CAPNS1: variants seen among roughly 807,000 people sequenced by gnomAD.
CAPNS1 encodes CANP small subunit.
Under a neutral mutation model 39.2 loss-of-function variants are expected in CAPNS1, and 32 were observed. The observed-to-expected ratio is 0.82, with a 90% CI of 0.62 to 1.10. The LOEUF (loss-of-function observed/expected upper bound fraction) is 1.10. Ranked by LOEUF, CAPNS1 falls within the 50% of genes least tolerant of loss-of-function variation. The probability of loss-of-function intolerance (pLI) is 0.00; values close to 1 mark genes in which losing one functional copy is unlikely to be tolerated. For synonymous variants in CAPNS1, 153 were observed against 136.2 expected (o/e 1.12, Z -0.86); for missense variants, 353 against 373.1 (o/e 0.95, Z 0.44).
Position 36,150,008 on chromosome 19 carries a change from A to C in CAPNS1, c.*169A>C. 1 of 572,106 alleles carries C rather than the reference A, an allele frequency of 1.7e-6. No individual in the cohort carries two copies. Among genetic ancestry groups the C allele is most frequent in the Non-Finnish European group, 2.7e-6 (1 of 369,616 alleles). The allele number at this position is 572,106 out of a possible 1,614,324, so 35.4% of individuals were successfully genotyped here. On this transcript the variant is annotated 3_prime_UTR_variant, in exon 11 of 11. Coordinates refer to ENST00000246533, the MANE Select transcript of CAPNS1 (RefSeq NM_001749.4). ...CCCAGCTTCTCAACATCCAGGGCCCAATTTGCCCTGCCTGGAGTTCCCCCT... is the reference window on the plus strand; with the variant it reads ...CCCAGCTTCTCAACATCCAGGGCCCCATTTGCCCTGCCTGGAGTTCCCCCT...
chr19:36,149,145 A>G (rs549818310), intron 9 of CAPNS1, among the ~76,000 whole-genome samples: 81 of 152,294 alleles, frequency 5.3e-4, no homozygotes, highest in Admixed American at 4.9e-3. Context: ...TTGGATTCCA[A>G]TCCTGATTTC....
rs777676548 is a variant in CAPNS1 at position 36,145,977 on chromosome 19, C to G, written c.527C>G (p.Ala176Gly). ...YLWNNIKRWQ[A>G]IYKQFDTDRS... is the part of the protein sequence containing the mutation. ...GACCCAATGTCTCTGTCCTCACAGG[C>G]CATATACAAACAGTTCGACACTGAC... Residue 176 changes from alanine (A) to glycine (G), a missense_variant and splice_region_variant, in exon 8 of 11, where the codon GCC (alanine) becomes GGC (glycine). Transcript: ENST00000246533. The G allele has an allele frequency of 6.2e-7, 1 of 1,614,138 alleles. No homozygotes were observed. Among genetic ancestry groups the G allele is most frequent in the African/African-American group, 1.3e-5 (1 of 75,064 alleles).
At chr19:36,140,886 C>T (rs1974332031) in intron 1 of CAPNS1, 111 bp from the exon 2 acceptor site, 1 of 1,532,268 alleles carries the variant, frequency 6.5e-7, no homozygotes, top group Non-Finnish European at 8.8e-7. Context: ...ACTCAGACCC[C>T]CACCCGGAGG....
chr19:36,144,600 T>C (rs1382406653), intron 6 of CAPNS1, among the ~76,000 whole-genome samples: 1 of 152,232 alleles, frequency 6.6e-6, no homozygotes, highest in Non-Finnish European at 1.5e-5. Context: ...ACCTGGCAAG[T>C]CTCAAACTCC....
At chr19:36,142,381 C>G (rs1285615941) in intron 3 of CAPNS1, 48 bp downstream of exon 3, 2 of 1,005,040 alleles carry the variant, frequency 2.0e-6, no homozygotes, top group Non-Finnish European at 3.0e-6. Flanking sequence ...AAGGCCTCTT[C>G]GAGGTCCCAT....
Position 36,149,927 on chromosome 19 carries a change from T to G in CAPNS1, c.*88T>G, listed in dbSNP as rs778828236. ...CTCCCAGGGCCGATCCTGTCTGCAGTCACATCTTTGTGGGGCCTGCTGACC... is the reference window on the plus strand; with the variant it reads ...CTCCCAGGGCCGATCCTGTCTGCAGGCACATCTTTGTGGGGCCTGCTGACC... On this transcript the variant is annotated 3_prime_UTR_variant, in exon 11 of 11. Transcript: ENST00000246533. 9 of 1,245,434 alleles carry G rather than the reference T, an allele frequency of 7.2e-6. No homozygotes were observed. The highest frequency in any genetic ancestry group is 9.5e-6 in the Non-Finnish European group (9 of 946,208). The allele number at this position is 1,245,434 out of a possible 1,614,324, so 77.1% of individuals were successfully genotyped here. A position where few individuals can be genotyped will look rare whatever the true frequency, so the allele number is the denominator to read the frequency against.
chr19:36,140,882 AC>A (rs1266703694), intron 1 of CAPNS1, 114 bp from the exon 2 acceptor site: 5 of 1,513,558 alleles, frequency 3.3e-6, no homozygotes, highest in East Asian at 2.6e-5. Flanking sequence ...GCAAACTCAG[AC>A]CCCCACCCGG....
At chr19:36,142,368 G>A (rs778696868) in intron 3 of CAPNS1, 35 bp downstream of exon 3, 5 of 1,266,036 alleles carry the variant, frequency 3.9e-6, no homozygotes, top group Non-Finnish European at 3.3e-6. Context: ...CCCTTCTCCT[G>A]CCAAGGCCTC....
At position 36,142,312 on chromosome 19, in the gene CAPNS1, G is replaced by A. The variant is rs771481303; in HGVS notation, c.222G>A (p.Ala74=). The change falls in exon 3 of 11, where the codon GCG becomes GCA. Residue 74 remains alanine (A), a synonymous_variant. Transcript: ENST00000246533. ...TATCTCTTCGCAGCGAGGCGGCTGC[G>A]CAGTACAACCCGGAGCCCCCGGTAA... ...GVISAISEAA[A]QYNPEPPPPR... The A allele has an allele frequency of 1.9e-6, 3 of 1,591,384 alleles. No homozygotes were observed. The highest frequency in any genetic ancestry group is 2.7e-5 in the African/African-American group (2 of 73,524).
chr19:36,145,227 C>CA (rs1224337273), intron 6 of CAPNS1: 2 of 90,964 alleles, frequency 2.2e-5, no homozygotes. Context: ...TTTTTTGAGA[C>CA]AGAGTCTCAC....
intron 2 of CAPNS1, 30 bp downstream of exon 2, chr19:36,141,250 C>T (rs1367476499): frequency 1.3e-6 from 2 of 1,504,274 alleles, no homozygotes; most frequent in South Asian, 1.3e-5. Context: ...AGGGGCGGGG[C>T]CTGGGAATGG....
At chr19:36,147,326 A>AGAGAAGGTAGGAGCAGTGAGCAT (rs1240017285) in intron 9 of CAPNS1, among the ~76,000 whole-genome samples, 4 of 152,210 alleles carry the variant, frequency 2.6e-5, no homozygotes, top group Admixed American at 1.3e-4. Flanking sequence ...GAGCTAAGTA[A>AGAGAAGGTAGGAGCAGTGAGCAT]GAGAAGGTAG....
rs549840423 is a variant in CAPNS1, at chr19:36,142,699, G to C, written c.291G>C (p.Glu97Asp). The C allele has an allele frequency of 1.2e-6, 2 of 1,614,038 alleles. No individual in the cohort carries two copies. The highest frequency in any genetic ancestry group is 2.2e-5 in the East Asian group (1 of 44,884). The stretch of plus-strand genomic sequence containing the variant: ...ACATTGAGGCCAACGAGAGTGAGGA[G>C]GTCCGGCAGTTCCGGAGACTCTTTG... ...YSNIEANESE[E>D]VRQFRRLFAQ... Residue 97 changes from glutamate (E) to aspartate (D), a missense_variant, in exon 4 of 11, where the codon GAG becomes GAC. Transcript: ENST00000246533.
In CAPNS1 at chr19:36,140,983, T is replaced by A; in HGVS notation, c.-15-14T>A. The A allele has an allele frequency of 6.3e-7, 1 of 1,594,648 alleles. No homozygotes were observed. Reference sequence around the variant, plus strand: ...AGGGGCGAAGCACCCACTGGTCCCCTTTTTTCCCCCCAGCAGTGAGTCGCA... The same window carrying A: ...AGGGGCGAAGCACCCACTGGTCCCCATTTTTCCCCCCAGCAGTGAGTCGCA... On this transcript the variant is annotated splice_polypyrimidine_tract_variant and intron_variant, in intron 1 of 10. Coordinates refer to ENST00000246533, the MANE Select transcript of CAPNS1 (RefSeq NM_001749.4).
chr19:36,140,883 C>G, intron 1 of CAPNS1, 114 bp from the exon 2 acceptor site: 1 of 1,519,408 alleles, frequency 6.6e-7, no homozygotes, highest in Non-Finnish European at 8.9e-7. Context: ...CAAACTCAGA[C>G]CCCCACCCGG....
chr19:36,146,225 A>T lies in CAPNS1; in HGVS notation c.634A>T (p.Met212Leu). The T allele has an allele frequency of 6.2e-7, 1 of 1,613,736 alleles. No homozygotes were observed. Among genetic ancestry groups the T allele is most frequent in the Non-Finnish European group, 8.5e-7 (1 of 1,179,664 alleles). Reference protein sequence around the residue: ...GFHLNEHLYNMIIRRYSDESG... With the variant: ...GFHLNEHLYNLIIRRYSDESG... ...CCACCTGAATGAGCATCTCTATAAC[A>T]TGATCATCCGACGCTACTCAGATGA... is the stretch of plus-strand genomic sequence containing the variant. Residue 212 changes from methionine (M) to leucine (L), a missense_variant, in exon 9 of 11, where the codon ATG becomes TTG. Transcript: ENST00000246533.
chr19:36,148,811 T>TC (rs1484789037), intron 9 of CAPNS1, among the ~76,000 whole-genome samples: 1 of 149,302 alleles, frequency 6.7e-6, no homozygotes, highest in Non-Finnish European at 1.5e-5. Flanking sequence ...GGACTCTGTC[T>TC]CAAAAAAAAA....
Position 36,143,147 on chromosome 19 carries a change from TGG to T in CAPNS1, c.456+21_456+22del. On this transcript the variant is annotated intron_variant, in intron 6 of 10. Coordinates refer to ENST00000246533, the MANE Select transcript of CAPNS1 (RefSeq NM_001749.4). ...GATGGATGTATCCTTGGGGGCAGTG[TGG>T]GAGAGGCCCTGGGTGGACAGAGAGT... 1 of 1,611,864 alleles carries T rather than the reference TGG, an allele frequency of 6.2e-7. No individual in the cohort carries two copies. The highest frequency in any genetic ancestry group is 8.5e-7 in the Non-Finnish European group (1 of 1,178,350).
At position 36,148,079 on chromosome 19, in the gene CAPNS1, C is replaced by CA. The variant is rs964061611; in HGVS notation, c.722-1486dup. 7.0e-3 allele frequency: 564 copies of CA among 80,736 alleles called. 3 individuals are homozygous for CA. Among genetic ancestry groups the CA allele is most frequent in the Admixed American group, 0.017 (125 of 7,204 alleles). 5.0% of individuals were successfully genotyped at this position (80,736 alleles called of 1,614,324 possible). Reference sequence around the variant, plus strand: ...GGGTGACAAGAGCGAGATTCCATCTCAAAAAAAAAAAAAGAAAAAAAGATC... The same window carrying CA: ...GGGTGACAAGAGCGAGATTCCATCTCAAAAAAAAAAAAAAGAAAAAAAGATC... On this transcript the variant is annotated intron_variant, in intron 9 of 10. Coordinates refer to ENST00000246533, the MANE Select transcript of CAPNS1 (RefSeq NM_001749.4).
Sources: gnomAD v4.1 joint callset for allele counts (sites outside exome capture counted in the v4.1 genomes callset) on GRCh38, gnomAD v4.1.1 for gene constraint, MANE v1.5 for transcripts, NCBI Gene and HGNC (gene_info 2026-07-23, HGNC 2026-07-21) for gene names.